The following GRID2 variants were observed in gnomAD, a reference collection of about 807,000 sequenced individuals.
GRID2 encodes glutamate ionotropic receptor delta type subunit 2.
In GRID2, 33 loss-of-function variants were observed where a neutral mutation model predicts 114.8. That is an observed-to-expected ratio of 0.29 (90% CI 0.22 to 0.38). GRID2 has a LOEUF of 0.38. Among genes scored for constraint, GRID2 ranks in the 10% least tolerant of loss-of-function variants. GRID2 has a pLI of 1.00. For synonymous variants in GRID2, 505 were observed against 449.9 expected, an observed-to-expected ratio of 1.12 and a Z score of -1.55; for missense variants, 1,184 against 1,257.7, an observed-to-expected ratio of 0.94 and a Z score of 0.89.
chr4:93,342,910 C>T, intron 8 of GRID2, among the ~76,000 whole-genome samples: 1 of 152,072 alleles, frequency 6.6e-6, no homozygotes, highest in Admixed American at 6.6e-5. Flanking sequence ...GGGTATAATG[C>T]TTTAGTGATG....
intron 1 of GRID2, among the ~76,000 whole-genome samples, chr4:92,549,122 CAAAA>C (rs35094573): frequency 9.8e-5 from 11 of 112,012 alleles, no homozygotes; most frequent in Non-Finnish European, 1.3e-4. Flanking sequence ...AGGTCTTCCG[CAAAA>C]AAAAAAAAAA....
chr4:93,566,634 G>GC (rs1735449494), intron 13 of GRID2, among the ~76,000 whole-genome samples: 1 of 152,100 alleles, frequency 6.6e-6, no homozygotes, highest in Non-Finnish European at 1.5e-5. Flanking sequence ...GCCGGGCATA[G>GC]TGGTGCGCAG....
intron 13 of GRID2, among the ~76,000 whole-genome samples, chr4:93,534,164 T>C (rs1354195355): frequency 6.6e-6 from 1 of 152,144 alleles, no homozygotes; most frequent in African/African-American, 2.4e-5. Context: ...ACTTCCCTAT[T>C]TCTAAATGCA....
chr4:93,105,074 T>C (rs1474815171), intron 3 of GRID2, among the ~76,000 whole-genome samples: 1 of 152,172 alleles, frequency 6.6e-6, no homozygotes, highest in Admixed American at 6.6e-5. Context: ...ATGAGCATTT[T>C]TTCATGTGTC....
At chr4:93,604,242 C>A (rs947224535) in intron 13 of GRID2, among the ~76,000 whole-genome samples, 1 of 152,160 alleles carries the variant, frequency 6.6e-6, no homozygotes, top group African/African-American at 2.4e-5. Context: ...TCCATTCCAA[C>A]CCCCATAGAT....
At chr4:92,831,785 T>G (rs1246536742) in intron 2 of GRID2, among the ~76,000 whole-genome samples, 1 of 151,982 alleles carries the variant, frequency 6.6e-6, no homozygotes, top group Non-Finnish European at 1.5e-5. Context: ...ACTTAAGCCA[T>G]GGAGGTTGAG....
chr4:93,419,054 TC>T (rs1768000806), intron 9 of GRID2, among the ~76,000 whole-genome samples: 1 of 146,126 alleles, frequency 6.8e-6, no homozygotes, highest in Non-Finnish European at 1.5e-5. Context: ...TAGCTGGTAA[TC>T]CCCAAAATCA....
intron 2 of GRID2, among the ~76,000 whole-genome samples, chr4:92,897,894 G>C (rs1747285595): frequency 6.6e-6 from 1 of 152,120 alleles, no homozygotes; most frequent in Admixed American, 6.6e-5. Flanking sequence ...CAACAGTTAT[G>C]AGCATAAGCT....
At chr4:92,541,354 A>T (rs1221144121) in intron 1 of GRID2, among the ~76,000 whole-genome samples, 4 of 152,102 alleles carry the variant, frequency 2.6e-5, no homozygotes, top group Non-Finnish European at 5.9e-5. Flanking sequence ...ACATTCAAGA[A>T]ACAATTTTTT....
intron 2 of GRID2, among the ~76,000 whole-genome samples, chr4:92,698,053 G>A (rs186576072): frequency 2.6e-5 from 4 of 152,192 alleles, no homozygotes; most frequent in Admixed American, 1.3e-4. Flanking sequence ...GTAAAGAAAT[G>A]CATAGTAACA....
intron 2 of GRID2, among the ~76,000 whole-genome samples, chr4:92,740,769 T>TA (rs199537345): frequency 0.027 from 4,139 of 151,968 alleles, 97 homozygotes; most frequent in Non-Finnish European, 0.043. Context: ...GATAGATAGA[T>TA]AGAGTTTCAC....
chr4:92,849,503 C>T (rs1181213000), intron 2 of GRID2, among the ~76,000 whole-genome samples: 1 of 151,906 alleles, frequency 6.6e-6, no homozygotes, highest in African/African-American at 2.4e-5. Flanking sequence ...TGGAGAAAAA[C>T]ATATCCTATA....
intron 1 of GRID2, among the ~76,000 whole-genome samples, chr4:93,793,437 C>T (rs191631202): frequency 7.2e-5 from 11 of 152,248 alleles, no homozygotes; most frequent in Admixed American, 7.2e-4. Flanking sequence ...AATGCCCTGA[C>T]TTTTGTGCCT....
At chr4:93,592,400 G>T (rs952875815) in intron 13 of GRID2, among the ~76,000 whole-genome samples, 3 of 152,204 alleles carry the variant, frequency 2.0e-5, no homozygotes, top group African/African-American at 4.8e-5. Flanking sequence ...GTTCTAATTT[G>T]ATTGCACTGT....
chr4:92,915,570 G>C (rs1748718837), intron 2 of GRID2, among the ~76,000 whole-genome samples: 1 of 152,088 alleles, frequency 6.6e-6, no homozygotes, highest in Non-Finnish European at 1.5e-5. Flanking sequence ...ACCATATCAG[G>C]GTAGTACCCA....
Position 92,602,796 on chromosome 4 carries a change from T to C in GRID2, c.244+12510T>C, listed in dbSNP as rs116144248. On this transcript the variant is annotated intron_variant, in intron 2 of 15. Transcript: ENST00000282020. ...TTTGTAGATGACATGATCTTCTATCTAGAAAACCCCATCGTCTTAGTCCAA... is the reference window on the plus strand; with the variant it reads ...TTTGTAGATGACATGATCTTCTATCCAGAAAACCCCATCGTCTTAGTCCAA... 5.6e-3 allele frequency among the ~76,000 whole-genome samples: 848 copies of C among 152,306 alleles called. 10 individuals are homozygous for C. The highest frequency in any genetic ancestry group is 0.02 in the African/African-American group (821 of 41,562).
chr4:93,578,739 G>A (rs944416743), intron 13 of GRID2, among the ~76,000 whole-genome samples: 4 of 151,688 alleles, frequency 2.6e-5, no homozygotes, highest in Admixed American at 6.6e-5. Flanking sequence ...GACTACAGGC[G>A]TCCGCCACCA....
At chr4:92,502,090 A>G (rs1428816744) in intron 1 of GRID2, among the ~76,000 whole-genome samples, 3 of 152,144 alleles carry the variant, frequency 2.0e-5, no homozygotes, top group Non-Finnish European at 4.4e-5. Context: ...CAAATTATGA[A>G]TTAATTAGTA....
chr4:93,162,182 G>A (rs960099310), intron 4 of GRID2, among the ~76,000 whole-genome samples: 14 of 151,648 alleles, frequency 9.2e-5, no homozygotes, highest in African/African-American at 3.1e-4. Flanking sequence ...GAATCCTCTG[G>A]AATGAAAAAA....
Sources: allele counts gnomAD v4.1 joint callset (sites outside exome capture counted in the v4.1 genomes callset), GRCh38; gene constraint gnomAD v4.1.1; transcripts MANE v1.5; gene names NCBI Gene and HGNC (gene_info 2026-07-23, HGNC 2026-07-21).